Variants in FRMD3 observed in about 807,000 individuals in gnomAD.
FRMD3 encodes the protein FERM domain containing 3.
A neutral mutation model predicts 70.2 loss-of-function variants in FRMD3; 33 were observed. That is an observed-to-expected ratio of 0.47 (90% CI 0.36 to 0.63). FRMD3 has a LOEUF of 0.63. Ranked by LOEUF, FRMD3 falls within the 20% of genes least tolerant of loss-of-function variation. The pLI, the probability that FRMD3 is intolerant of heterozygous loss-of-function variation, is 0.00. For missense variants in FRMD3, 632 were observed against 711.4 expected (o/e 0.89, Z 1.27); for synonymous variants, 279 against 255.9 (o/e 1.09, Z -0.86).
intron 1 of FRMD3, among the ~76,000 whole-genome samples, chr9:83,485,918 A>C (rs1324496359): frequency 2.0e-5 from 3 of 152,072 alleles, no homozygotes; most frequent in Non-Finnish European, 4.4e-5. Flanking sequence ...AAAAAAATTT[A>C]AGGAAAAAAA....
At chr9:83,535,368 T>C (rs1195594014) in intron 1 of FRMD3, among the ~76,000 whole-genome samples, 1 of 152,174 alleles carries the variant, frequency 6.6e-6, no homozygotes, top group Non-Finnish European at 1.5e-5. Flanking sequence ...CTGGAATGCT[T>C]ACCTACTAGA....
At chr9:83,402,990 G>A (rs981831933) in intron 1 of FRMD3, among the ~76,000 whole-genome samples, 6 of 133,834 alleles carry the variant, frequency 4.5e-5, no homozygotes, top group African/African-American at 5.7e-5. Flanking sequence ...TGCAACCTCC[G>A]CCTCCCGGGT....
In FRMD3 at chr9:83,438,022, C is replaced by T. The variant is rs369583490; in HGVS notation, c.148-48314G>A. On this transcript the variant is annotated intron_variant, in intron 1 of 13. Transcript: ENST00000304195. ...AGAATCAGCCTCCCCTCCCACACAC[C>T]GGCTGTTTTGGTGCTATAAGCAGAC... Among the ~76,000 whole-genome samples, 30 of 152,204 alleles carry T rather than the reference C, an allele frequency of 2.0e-4. No individual in the cohort carries two copies. The East Asian group carries it at 4.3e-3, about 22-fold the overall frequency.
At chr9:83,580,996 G>T in the FRMD3 span, among the ~76,000 whole-genome samples, 1 of 152,026 alleles carries the variant, frequency 6.6e-6, no homozygotes. Flanking sequence ...GATCAAACAA[G>T]AACAGCAAAT....
the FRMD3 span, among the ~76,000 whole-genome samples, chr9:83,577,562 T>C: frequency 2.6e-5 from 4 of 152,130 alleles, no homozygotes; most frequent in East Asian, 7.7e-4. Flanking sequence ...TCCAAGTGGA[T>C]CATAGACCTA....
At chr9:83,472,421 GGAGT>G (rs1203294077) in intron 1 of FRMD3, among the ~76,000 whole-genome samples, 2 of 152,142 alleles carry the variant, frequency 1.3e-5, no homozygotes, top group Admixed American at 1.3e-4. Context: ...GTAATACATG[GGAGT>G]GAGTGGCTCA....
chr9:83,555,454 G>A, the FRMD3 span, among the ~76,000 whole-genome samples: 3 of 150,880 alleles, frequency 2.0e-5, no homozygotes, highest in African/African-American at 7.3e-5. Context: ...ACCTGGGTTG[G>A]CTCAGACTCT....
the FRMD3 span, among the ~76,000 whole-genome samples, chr9:83,581,046 T>C: frequency 3.3e-5 from 5 of 152,128 alleles, no homozygotes. Context: ...ATTCATTATA[T>C]TGTCTCATGT....
chr9:83,547,067 CTTATA>C, the FRMD3 span, among the ~76,000 whole-genome samples: 2 of 151,216 alleles, frequency 1.3e-5, no homozygotes, highest in African/African-American at 4.9e-5. Context: ...GATAGCTATA[CTTATA>C]TTAGATAAAA....
At chr9:83,514,752 C>T (rs1201427464) in intron 1 of FRMD3, among the ~76,000 whole-genome samples, 1 of 152,216 alleles carries the variant, frequency 6.6e-6, no homozygotes, top group Admixed American at 6.5e-5. Context: ...TAAGACAAAG[C>T]TTCCAGAGGA....
At chr9:83,372,622 G>A (rs80089246) in intron 3 of FRMD3, among the ~76,000 whole-genome samples, 1 of 151,972 alleles carries the variant, frequency 6.6e-6, no homozygotes, top group Non-Finnish European at 1.5e-5. Context: ...TGGTGGCTGT[G>A]TTTAAGAGGT....
At chr9:83,479,798 GGAA>G (rs1828524520) in intron 1 of FRMD3, among the ~76,000 whole-genome samples, 4 of 106,374 alleles carry the variant, frequency 3.8e-5, no homozygotes, top group Non-Finnish European at 8.4e-5. Flanking sequence ...AAGGAAGGAA[GGAA>G]GGAAGGAAGG....
rs200147815 is a variant in FRMD3 at position 83,461,665 on chromosome 9, CTTTTTTTTTTTTTTTTTTTTTTTT to C, written c.148-71981_148-71958del. On this transcript the variant is annotated intron_variant, in intron 1 of 13. Coordinates refer to ENST00000304195, the MANE Select transcript of FRMD3 (RefSeq NM_174938.6). ...AATCTTAATTCCTTCAGGAATTTCC[CTTTTTTTTTTTTTTTTTTTTTTTT>C]TTTTTTTTTTTTTTTTTGAGATGGA... 1.2e-3 allele frequency among the ~76,000 whole-genome samples: 84 copies of C among 70,696 alleles called. 3 individuals are homozygous for C. The East Asian group carries it at 0.028, about 23-fold the overall frequency. 46.4% of individuals were successfully genotyped at this position (70,696 alleles called of 152,430 possible). A position where few individuals can be genotyped will look rare whatever the true frequency, so the allele number is the denominator to read the frequency against.
At chr9:83,269,868 G>A (rs980938553) in intron 13 of FRMD3, among the ~76,000 whole-genome samples, 11 of 152,112 alleles carry the variant, frequency 7.2e-5, no homozygotes, top group African/African-American at 2.4e-4. Flanking sequence ...TTCAGAGATC[G>A]TAAGTAGATT....
At chr9:83,578,431 C>T in the FRMD3 span, among the ~76,000 whole-genome samples, 13 of 151,872 alleles carry the variant, frequency 8.6e-5, no homozygotes, top group African/African-American at 2.9e-4. Flanking sequence ...AAATCCTCAA[C>T]AAAATACTAG....
intron 13 of FRMD3, among the ~76,000 whole-genome samples, chr9:83,288,409 T>C (rs1443325856): frequency 6.6e-6 from 1 of 152,234 alleles, no homozygotes; most frequent in Non-Finnish European, 1.5e-5. Flanking sequence ...ACTGTATTTA[T>C]TGAAAAATTA....
chr9:83,311,862 G>A (rs762506946), intron 8 of FRMD3, 25 bp downstream of exon 8: 2 of 1,506,284 alleles, frequency 1.3e-6, no homozygotes, highest in South Asian at 2.3e-5. Context: ...AAAATGGAAA[G>A]CCAGTTTTCC....
At chr9:83,351,182 G>A (rs575904373) in intron 3 of FRMD3, among the ~76,000 whole-genome samples, 1 of 152,060 alleles carries the variant, frequency 6.6e-6, no homozygotes, top group Non-Finnish European at 1.5e-5. Context: ...CATAAGAAGA[G>A]CCACAGGGTT....
intron 6 of FRMD3, among the ~76,000 whole-genome samples, chr9:83,334,814 C>T (rs948038412): frequency 6.6e-6 from 1 of 152,128 alleles, no homozygotes; most frequent in Non-Finnish European, 1.5e-5. Context: ...GAATTCAAAT[C>T]CCAGCTCTGA....
Sources: allele counts gnomAD v4.1 joint callset (sites outside exome capture counted in the v4.1 genomes callset), GRCh38; gene constraint gnomAD v4.1.1; transcripts MANE v1.5; gene names NCBI Gene and HGNC (gene_info 2026-07-23, HGNC 2026-07-21).